RNGTT: variants seen among roughly 807,000 people sequenced by gnomAD.
The protein encoded by RNGTT is mRNA-capping enzyme.
In RNGTT, 33 loss-of-function variants were observed where a neutral mutation model predicts 79.3. The ratio of observed to expected loss-of-function variants is 0.42; its 90% confidence interval spans 0.32 to 0.56. The LOEUF (loss-of-function observed/expected upper bound fraction) is 0.56. Among genes scored for constraint, RNGTT ranks in the 20% least tolerant of loss-of-function variants. The pLI is 0.17. For synonymous variants in RNGTT, 222 were observed against 235.9 expected (o/e 0.94, Z 0.54); for missense variants, 497 against 739.1 (o/e 0.67, Z 3.80).
At chr6:88,902,813 G>A (rs1052292368) in intron 6 of RNGTT, among the ~76,000 whole-genome samples, 13 of 147,072 alleles carry the variant, frequency 8.8e-5, no homozygotes, top group Middle Eastern at 3.7e-3. Context: ...CTCCTGCCTC[G>A]GCCTCCCGAG....
rs192365456 is a variant in RNGTT at position 88,820,588 on chromosome 6, C to A, written c.1270-18956G>T. Among the ~76,000 whole-genome samples the A allele has an allele frequency of 2.0e-4, 30 of 152,284 alleles. 1 individual carries two copies. The highest frequency in any genetic ancestry group is 1.6e-3 in the Admixed American group (25 of 15,304). On this transcript the variant is annotated intron_variant, in intron 11 of 15. Transcript: ENST00000369485. Reference sequence around the variant, plus strand: ...AAGCAATTATAGCCAGGTTTCAGGACACAAATATATAAAACTCAATCACTT... The same window carrying A: ...AAGCAATTATAGCCAGGTTTCAGGAAACAAATATATAAAACTCAATCACTT...
rs528014281 is a variant in RNGTT at position 88,712,786 on chromosome 6, T to C, written c.1440-34367A>G. Among the ~76,000 whole-genome samples the C allele has an allele frequency of 2.0e-5, 3 of 152,162 alleles. No homozygotes were observed. The South Asian group carries it at 6.2e-4, about 32-fold the overall frequency. Reference sequence around the variant, plus strand: ...CATTATGACCCAGCTTTATCTGATGTTGACTTGAATTTTAATAGAGTGCAA... The same window carrying C: ...CATTATGACCCAGCTTTATCTGATGCTGACTTGAATTTTAATAGAGTGCAA... On this transcript the variant is annotated intron_variant, in intron 13 of 15. Transcript: ENST00000369485.
intron 14 of RNGTT, among the ~76,000 whole-genome samples, chr6:88,651,579 T>C (rs1226388922): frequency 6.6e-6 from 1 of 152,066 alleles, no homozygotes; most frequent in Admixed American, 6.5e-5. Flanking sequence ...TTTTTCTTTT[T>C]CATATTAAAG....
intron 13 of RNGTT, among the ~76,000 whole-genome samples, chr6:88,752,379 T>G (rs1204575682): frequency 1.3e-5 from 2 of 152,136 alleles, no homozygotes; most frequent in Non-Finnish European, 2.9e-5. Context: ...ATCCTGAGGA[T>G]ATAAACAAGT....
chr6:88,634,963 C>T (rs1008282240), intron 14 of RNGTT, among the ~76,000 whole-genome samples: 3 of 151,418 alleles, frequency 2.0e-5, no homozygotes, highest in African/African-American at 7.3e-5. Context: ...AATGGGATAC[C>T]GAATTTTGGA....
intron 8 of RNGTT, among the ~76,000 whole-genome samples, chr6:88,884,563 G>T (rs1782795551): frequency 1.3e-5 from 2 of 151,992 alleles, no homozygotes; most frequent in Admixed American, 6.6e-5. Flanking sequence ...AAAGGGAAAG[G>T]GTTAAAAGGG....
Position 88,674,748 on chromosome 6 carries a change from T to TG in RNGTT, c.1506+3604dup, listed in dbSNP as rs1235531016. On this transcript the variant is annotated intron_variant, in intron 14 of 15. Coordinates refer to ENST00000369485, the MANE Select transcript of RNGTT (RefSeq NM_003800.5). ...AACACATGGAGCCAAGAAACAAATG[T>TG]GAAAAAAAAAATCAGAAAACTATGT... Among the ~76,000 whole-genome samples the TG allele has an allele frequency of 2.8e-4, 42 of 151,178 alleles. 1 individual carries two copies. Among genetic ancestry groups the TG allele is most frequent in the African/African-American group, 1.0e-3 (42 of 41,238 alleles).
At chr6:88,952,842 T>C (rs914246686) in intron 1 of RNGTT, among the ~76,000 whole-genome samples, 1 of 152,060 alleles carries the variant, frequency 6.6e-6, no homozygotes, top group African/African-American at 2.4e-5. Context: ...CTCCACAGTG[T>C]GACTAGAACC....
At chr6:88,651,722 C>A (rs1773803908) in intron 14 of RNGTT, among the ~76,000 whole-genome samples, 1 of 149,698 alleles carries the variant, frequency 6.7e-6, no homozygotes, top group South Asian at 2.1e-4. Context: ...TTATATTATT[C>A]ATTTCCCTAT....
chr6:88,714,731 C>T lies in RNGTT; in HGVS notation c.1440-36312G>A, dbSNP rs1173041273. Among the ~76,000 whole-genome samples, 5 of 150,974 alleles carry T rather than the reference C, an allele frequency of 3.3e-5. 1 individual carries two copies. Among genetic ancestry groups the T allele is most frequent in the Non-Finnish European group, 5.9e-5 (4 of 67,940 alleles). On this transcript the variant is annotated intron_variant, in intron 13 of 15. Transcript: ENST00000369485. Reference sequence around the variant, plus strand: ...TGCTGGGATTACAGGCGTGAGCCACCGCGCCCGGCCTAAAAGTACTTTTTA... The same window carrying T: ...TGCTGGGATTACAGGCGTGAGCCACTGCGCCCGGCCTAAAAGTACTTTTTA...
intron 2 of RNGTT, among the ~76,000 whole-genome samples, chr6:88,939,939 G>A (rs151066977): frequency 0.027 from 4,039 of 150,112 alleles, 246 homozygotes; most frequent in East Asian, 0.19. Context: ...TTAATTTTTT[G>A]TAGAGACAGG....
chr6:88,733,237 T>A (rs1009100216), intron 13 of RNGTT, among the ~76,000 whole-genome samples: 5 of 152,010 alleles, frequency 3.3e-5, no homozygotes, highest in African/African-American at 1.2e-4. Flanking sequence ...GGTGCATCCC[T>A]GTAGTCCCAG....
chr6:88,734,335 A>G (rs757968565), intron 13 of RNGTT, among the ~76,000 whole-genome samples: 2 of 152,120 alleles, frequency 1.3e-5, no homozygotes, highest in Non-Finnish European at 2.9e-5. Flanking sequence ...ATATATTAAG[A>G]GAAGAGAGAA....
At chr6:88,785,199 T>A (rs911633648) in intron 12 of RNGTT, among the ~76,000 whole-genome samples, 1 of 152,132 alleles carries the variant, frequency 6.6e-6, no homozygotes, top group African/African-American at 2.4e-5. Context: ...TCTGTATATT[T>A]ACCCTCTAGG....
Position 88,963,243 on chromosome 6 carries a change from T to C in RNGTT, c.64+103A>G, listed in dbSNP as rs1033470514. 9.4e-6 allele frequency: 11 copies of C among 1,173,590 alleles called. No individual in the cohort carries two copies. The African/African-American group carries it at 9.4e-5, about 10-fold the overall frequency. 72.7% of individuals were successfully genotyped at this position (1,173,590 alleles called of 1,614,324 possible). On this transcript the variant is annotated intron_variant, in intron 1 of 15. Transcript: ENST00000369485. ...GACGGAGCATATCCCGCTCCTGAAATACCACTAATGGGCACAGAACCACCA... is the reference window on the plus strand; with the variant it reads ...GACGGAGCATATCCCGCTCCTGAAACACCACTAATGGGCACAGAACCACCA...
chr6:88,627,702 C>T (rs1772684362), intron 14 of RNGTT, among the ~76,000 whole-genome samples: 1 of 152,120 alleles, frequency 6.6e-6, no homozygotes, highest in African/African-American at 2.4e-5. Context: ...TTTAAAATCA[C>T]TCAATTTGCC....
chr6:88,762,615 G>A (rs1249044038), intron 13 of RNGTT, among the ~76,000 whole-genome samples: 1 of 152,186 alleles, frequency 6.6e-6, no homozygotes, highest in Non-Finnish European at 1.5e-5. Flanking sequence ...TGCAGCCACA[G>A]CATACTGCTT....
chr6:88,920,816 A>T (rs1272926579), intron 4 of RNGTT, among the ~76,000 whole-genome samples: 5 of 152,206 alleles, frequency 3.3e-5, no homozygotes, highest in Non-Finnish European at 5.9e-5. Flanking sequence ...AGAAGAACTG[A>T]TAAGAAAAAC....
At chr6:88,791,457 A>G (rs1030677442) in intron 12 of RNGTT, among the ~76,000 whole-genome samples, 44 of 152,140 alleles carry the variant, frequency 2.9e-4, no homozygotes, top group African/African-American at 8.2e-4. Context: ...TAAGCCATCA[A>G]GTGTGTGGTA....
Sources: allele counts gnomAD v4.1 joint callset (sites outside exome capture counted in the v4.1 genomes callset), GRCh38; gene constraint gnomAD v4.1.1; transcripts MANE v1.5; gene names NCBI Gene and HGNC (gene_info 2026-07-23, HGNC 2026-07-21).